Variants in RUSC2 observed in about 807,000 individuals in gnomAD.
The protein encoded by RUSC2 is RUN and SH3 domain containing 2.
In RUSC2, 34 loss-of-function variants were observed where a neutral mutation model predicts 122.2. The observed-to-expected ratio is 0.28, with a 90% CI of 0.21 to 0.37. RUSC2 has a LOEUF of 0.37. RUSC2 is among the 10% of genes least tolerant of loss of function. The pLI is 1.00. For missense variants in RUSC2, 1,747 were observed against 1,952.4 expected, an observed-to-expected ratio of 0.89 and a Z score of 1.98; for synonymous variants, 784 against 790.0, an observed-to-expected ratio of 0.99 and a Z score of 0.13.
chr9:35,555,358 C>T lies in RUSC2; in HGVS notation c.2313C>T (p.Thr771=). ...GGAAAGCTGGGTCTGAGCCAGAGACCTCTCGGCCATCGCCCCTGGGCAGCT... is the reference window on the plus strand; with the variant it reads ...GGAAAGCTGGGTCTGAGCCAGAGACTTCTCGGCCATCGCCCCTGGGCAGCT... The part of the protein sequence containing the change: ...GARKAGSEPE[T]SRPSPLGSYS... Residue 771 remains threonine (T), a synonymous_variant, in exon 3 of 12, where the codon ACC becomes ACT. Coordinates refer to ENST00000361226, the MANE Select transcript of RUSC2 (RefSeq NM_014806.5). This position sits in a 1 kb window ranked among gnomAD's most constrained non-coding sequence, Gnocchi z 4.6. 6.2e-7 allele frequency: 1 copy of T among 1,614,242 alleles called. No individual in the cohort carries two copies. Among genetic ancestry groups the T allele is most frequent in the Non-Finnish European group, 8.5e-7 (1 of 1,180,040 alleles).
chr9:35,550,153 T>C (rs1378053984), intron 2 of RUSC2, among the ~76,000 whole-genome samples: 1 of 149,268 alleles, frequency 6.7e-6, no homozygotes, highest in East Asian at 2.0e-4. Context: ...GAGATTGCAG[T>C]GAGCCGAGAT....
rs532275583 is a variant in RUSC2, at chr9:35,555,326, G to T, written c.2281G>T (p.Gly761Cys). 6.2e-7 allele frequency: 1 copy of T among 1,614,088 alleles called. No individual in the cohort carries two copies. The highest frequency in any genetic ancestry group is 1.3e-5 in the African/African-American group (1 of 74,954). The change falls in exon 3 of 12, where the codon GGT (glycine) becomes TGT (cysteine). Residue 761 changes from glycine to cysteine, a missense_variant. Gly to Cys is a radical substitution (Grantham distance 159). Transcript: ENST00000361226. This position sits in a 1 kb window ranked among gnomAD's most constrained non-coding sequence, Gnocchi z 4.6. ...ATCCACTCCCCGAGCCACTGGCAGA[G>T]GTGCCAGGAAAGCTGGGTCTGAGCC... ...QASTPRATGR[G>C]ARKAGSEPET...
Position 35,558,069 on chromosome 9 carries a change from T to C in RUSC2, c.3060+79T>C. On this transcript the variant is annotated intron_variant, in intron 6 of 11. Coordinates refer to ENST00000361226, the MANE Select transcript of RUSC2 (RefSeq NM_014806.5). The surrounding 1 kb of genome is among the most constrained non-coding windows in gnomAD (Gnocchi z 4.3). ...CGCGCTACCACCTTCCCTTGCTGTC[T>C]TGCATTTAGAGCCCAGGGTTGGGTA... is the stretch of plus-strand genomic sequence containing the variant. The C allele has an allele frequency of 1.3e-6, 2 of 1,584,134 alleles. No individual in the cohort carries two copies. The highest frequency in any genetic ancestry group is 1.7e-6 in the Non-Finnish European group (2 of 1,153,918).
chr9:35,561,369 G>T lies in RUSC2; in HGVS notation c.4538G>T (p.Ser1513Ile), dbSNP rs1391756942. The change falls in exon 12 of 12, where the codon AGC becomes ATC. Residue 1513 changes from serine (S) to isoleucine (I), a missense_variant. Ser to Ile is a moderately radical substitution (Grantham distance 142). Transcript: ENST00000361226. Reference protein sequence around the residue: ...LTPTPSPTPGSSQN With the variant: ...LTPTPSPTPGISQN ...CCAACTCCAAGTCCAACCCCTGGAA[G>T]CAGCCAAAACTGAGGCCCTGTGCAT... 28 of 1,612,238 alleles carry T rather than the reference G, an allele frequency of 1.7e-5. No homozygotes were observed. Among genetic ancestry groups the T allele is most frequent in the Non-Finnish European group, 2.4e-5 (28 of 1,179,042 alleles).
In RUSC2 at chr9:35,559,283, G is replaced by T; in HGVS notation, c.3388+11G>T. 1 of 1,609,242 alleles carries T rather than the reference G, an allele frequency of 6.2e-7. No individual in the cohort carries two copies. Among genetic ancestry groups the T allele is most frequent in the Non-Finnish European group, 8.5e-7 (1 of 1,175,512 alleles). ...TCTATAACCACGAAGGTAATGCCTA[G>T]AACCCTGCAGGTCAAACTCAATGGG... On this transcript the variant is annotated intron_variant, in intron 9 of 11. Transcript: ENST00000361226.
At position 35,548,375 on chromosome 9, in the gene RUSC2, C is replaced by T. The variant is rs2132555219; in HGVS notation, c.1854C>T (p.Ser618=). The change falls in exon 2 of 12, where the codon TCC becomes TCT. Residue 618 remains serine, a synonymous_variant. Coordinates refer to ENST00000361226, the MANE Select transcript of RUSC2 (RefSeq NM_014806.5). This position sits in a 1 kb window ranked among gnomAD's most constrained non-coding sequence, Gnocchi z 4.5. The part of the protein sequence containing the change: ...LLGPDPSPPW[S]TQVCQGPHSS... ...GCCCAGACCCAAGTCCACCCTGGTC[C>T]ACCCAGGTCTGTCAGGGACCCCACT... 2.5e-6 allele frequency: 4 copies of T among 1,614,088 alleles called. No homozygotes were observed. The highest frequency in any genetic ancestry group is 3.4e-6 in the Non-Finnish European group (4 of 1,180,024).
At chr9:35,496,558 G>T (rs1820717440) in intron 1 of RUSC2, among the ~76,000 whole-genome samples, 1 of 152,160 alleles carries the variant, frequency 6.6e-6, no homozygotes, top group Non-Finnish European at 1.5e-5. Context: ...ACCAAGTTCT[G>T]TGATACGTCA....
chr9:35,518,774 C>T (rs1424304172), intron 1 of RUSC2, among the ~76,000 whole-genome samples: 1 of 152,208 alleles, frequency 6.6e-6, no homozygotes, highest in South Asian at 2.1e-4. Flanking sequence ...TCCTCTGTCT[C>T]AAATTCCTAT....
At position 35,555,724 on chromosome 9, in the gene RUSC2, A is replaced by G. The variant is rs578119304; in HGVS notation, c.2656+23A>G. On this transcript the variant is annotated intron_variant, in intron 3 of 11. Transcript: ENST00000361226. This position sits in a 1 kb window ranked among gnomAD's most constrained non-coding sequence, Gnocchi z 4.6. ...ATGGTACGAGCTCCAGCATCTCCCT[A>G]CCCAACCCGCCACCTCACGCAAGCA... is the stretch of plus-strand genomic sequence containing the variant. 17 of 1,567,960 alleles carry G rather than the reference A, an allele frequency of 1.1e-5. No homozygotes were observed. The African/African-American group carries it at 2.3e-4, about 22-fold the overall frequency.
intron 1 of RUSC2, among the ~76,000 whole-genome samples, chr9:35,531,105 A>G (rs552428182): frequency 1.5e-3 from 228 of 152,126 alleles, no homozygotes; most frequent in Non-Finnish European, 2.6e-3. Flanking sequence ...TAAAAAATAC[A>G]AAAAAATTAG....
Position 35,555,576 on chromosome 9 carries a change from C to T in RUSC2, c.2531C>T (p.Thr844Ile). ...QKEDQKILTL[T>I]EYRLHGTGSL... ...GAGGATCAGAAGATACTGACCTTGA[C>T]TGAGTACCGGCTCCATGGAACAGGA... The change falls in exon 3 of 12, where the codon ACT becomes ATT. Residue 844 changes from threonine to isoleucine, a missense_variant. By Grantham distance (89) the Thr-to-Ile change is moderately conservative. Coordinates refer to ENST00000361226, the MANE Select transcript of RUSC2 (RefSeq NM_014806.5). This position sits in a 1 kb window ranked among gnomAD's most constrained non-coding sequence, Gnocchi z 4.6. The T allele has an allele frequency of 1.9e-6, 3 of 1,614,096 alleles. No individual in the cohort carries two copies. In the South Asian group the frequency reaches 3.3e-5, roughly 18 times the overall value.
chr9:35,560,665 C>T lies in RUSC2; in HGVS notation c.4025C>T (p.Pro1342Leu), dbSNP rs1253055364. ...EEALGRERGWPFWMGSPPDSV... is the reference protein window; with the variant it reads ...EEALGRERGWLFWMGSPPDSV... ...GCCCTGGGCCGGGAAAGGGGCTGGCCCTTCTGGATGGGGAGCCCCCCTGAC... is the reference window on the plus strand; with the variant it reads ...GCCCTGGGCCGGGAAAGGGGCTGGCTCTTCTGGATGGGGAGCCCCCCTGAC... Residue 1342 changes from proline to leucine, a missense_variant, in exon 10 of 12, where the codon CCC becomes CTC. By Grantham distance (98) the Pro-to-Leu change is moderately conservative. Coordinates refer to ENST00000361226, the MANE Select transcript of RUSC2 (RefSeq NM_014806.5). The T allele has an allele frequency of 1.3e-6, 2 of 1,583,034 alleles. No individual in the cohort carries two copies. Among genetic ancestry groups the T allele is most frequent in the Non-Finnish European group, 1.7e-6 (2 of 1,163,734 alleles).
intron 1 of RUSC2, among the ~76,000 whole-genome samples, chr9:35,507,222 G>A (rs76679824): frequency 0.05 from 7,585 of 152,254 alleles, 668 homozygotes; most frequent in African/African-American, 0.17. Context: ...TTGCATGGAT[G>A]TAATTGTAGC....
chr9:35,503,732 G>A (rs1180202037), intron 1 of RUSC2, among the ~76,000 whole-genome samples: 1 of 152,112 alleles, frequency 6.6e-6, no homozygotes, highest in Non-Finnish European at 1.5e-5. Context: ...CAGTGTATAA[G>A]TGTTCCCTTT....
chr9:35,508,210 G>A (rs1189376858), intron 1 of RUSC2, among the ~76,000 whole-genome samples: 1 of 152,138 alleles, frequency 6.6e-6, no homozygotes, highest in Non-Finnish European at 1.5e-5. Context: ...TCTAGTTGGA[G>A]GAAATATTCC....
chr9:35,550,078 G>A (rs1821856039), intron 2 of RUSC2, among the ~76,000 whole-genome samples: 1 of 151,922 alleles, frequency 6.6e-6, no homozygotes, highest in Non-Finnish European at 1.5e-5. Context: ...TAGGCATGGT[G>A]GCGCATGCCT....
rs909677346 is a variant in RUSC2, at chr9:35,498,610, G to A, written c.-93+8438G>A. On this transcript the variant is annotated intron_variant, in intron 1 of 11. Transcript: ENST00000361226. ...GCGGTGGCTCACGCCTGTGATCCCA[G>A]CTCTTTAGGAGGCCGAGGTGGGTGG... is the stretch of plus-strand genomic sequence containing the variant. 6.6e-5 allele frequency among the ~76,000 whole-genome samples: 10 copies of A among 151,984 alleles called. 1 individual carries two copies. The East Asian group carries it at 1.7e-3, about 27-fold the overall frequency.
intron 1 of RUSC2, among the ~76,000 whole-genome samples, chr9:35,506,945 G>A (rs113700127): frequency 8.4e-4 from 128 of 152,056 alleles, no homozygotes; most frequent in African/African-American, 3.0e-3. Flanking sequence ...GTGAAACCTC[G>A]TCTCTACAAA....
chr9:35,492,495 T>C (rs1820586734), intron 1 of RUSC2, among the ~76,000 whole-genome samples: 1 of 151,316 alleles, frequency 6.6e-6, no homozygotes, highest in South Asian at 2.1e-4. Flanking sequence ...CATTCAGACA[T>C]TGGCATTTAA....
Sources: allele counts gnomAD v4.1 joint callset (sites outside exome capture counted in the v4.1 genomes callset), GRCh38; gene constraint gnomAD v4.1.1; non-coding constraint Gnocchi (gnomAD v3.1); transcripts MANE v1.5; gene names NCBI Gene and HGNC (gene_info 2026-07-23, HGNC 2026-07-21).